Variants in RBMS3 observed in about 807,000 individuals in gnomAD.
RBMS3 encodes RNA binding motif single stranded interacting protein 3, also known as RNA-binding motif, single-stranded-interacting protein 3.
A neutral mutation model predicts 66.8 loss-of-function variants in RBMS3; 27 were observed. The observed-to-expected ratio is 0.40, with a 90% CI of 0.30 to 0.56. The LOEUF (loss-of-function observed/expected upper bound fraction) is 0.56. Among genes scored for constraint, RBMS3 ranks in the 20% least tolerant of loss-of-function variants. The pLI is 0.40. For synonymous variants in RBMS3, 188 were observed against 183.0 expected, an observed-to-expected ratio of 1.03 and a Z score of -0.22; for missense variants, 513 against 549.5, an observed-to-expected ratio of 0.93 and a Z score of 0.66.
chr3:29,733,021 T>C (rs1475175828), intron 4 of RBMS3, among the ~76,000 whole-genome samples: 1 of 152,024 alleles, frequency 6.6e-6, no homozygotes, highest in Non-Finnish European at 1.5e-5. Flanking sequence ...ATCTACCTTA[T>C]GAGATAGATA....
intron 4 of RBMS3, among the ~76,000 whole-genome samples, chr3:29,709,150 A>G (rs1259462826): frequency 1.3e-5 from 2 of 152,182 alleles, no homozygotes; most frequent in South Asian, 2.1e-4. Context: ...TCTCCTTAAT[A>G]CACATGACTC....
intron 1 of RBMS3, among the ~76,000 whole-genome samples, chr3:29,380,241 C>T (rs1383101985): frequency 6.6e-6 from 1 of 150,956 alleles, no homozygotes; most frequent in Non-Finnish European, 1.5e-5. Context: ...CACACACGTA[C>T]ATCTATAATA....
At chr3:29,550,565 T>TAA (rs1400449208) in intron 3 of RBMS3, among the ~76,000 whole-genome samples, 1 of 152,126 alleles carries the variant, frequency 6.6e-6, no homozygotes, top group Non-Finnish European at 1.5e-5. Flanking sequence ...TAATGTAACA[T>TAA]AAGACTATTA....
chr3:29,639,589 T>TAGAG (rs1216382179), intron 4 of RBMS3, among the ~76,000 whole-genome samples: 3 of 113,824 alleles, frequency 2.6e-5, no homozygotes, highest in African/African-American at 7.3e-5. Flanking sequence ...AGATAGAAGA[T>TAGAG]AGACAGAGAG....
chr3:29,298,691 C>T (rs1459419033), intron 1 of RBMS3, among the ~76,000 whole-genome samples: 3 of 151,774 alleles, frequency 2.0e-5, no homozygotes, highest in East Asian at 1.9e-4. Flanking sequence ...TACCTTCTCC[C>T]ACCCTTTTAT....
chr3:29,406,625 A>G (rs9841846), intron 1 of RBMS3, among the ~76,000 whole-genome samples: 56 of 152,224 alleles, frequency 3.7e-4, no homozygotes, highest in African/African-American at 1.3e-3. Flanking sequence ...TAGCACACAT[A>G]TCATGAGCCA....
At chr3:29,756,044 G>C (rs2055398159) in intron 5 of RBMS3, among the ~76,000 whole-genome samples, 1 of 152,168 alleles carries the variant, frequency 6.6e-6, no homozygotes, top group Admixed American at 6.5e-5. Context: ...AATTGATACA[G>C]CTTGGTAGGA....
intron 3 of RBMS3, among the ~76,000 whole-genome samples, chr3:29,548,401 G>A (rs2046050764): frequency 2.6e-5 from 4 of 151,808 alleles, no homozygotes; most frequent in Admixed American, 2.6e-4. Context: ...TTGTACTCTA[G>A]CCTGGGTGAC....
At chr3:29,997,106 A>T (rs1699297788) in intron 14 of RBMS3, among the ~76,000 whole-genome samples, 1 of 151,708 alleles carries the variant, frequency 6.6e-6, no homozygotes, top group Admixed American at 6.6e-5. Context: ...ATCCCACAGA[A>T]ATACAAACTA....
intron 4 of RBMS3, among the ~76,000 whole-genome samples, chr3:29,668,722 C>G (rs2050868991): frequency 1.3e-5 from 2 of 152,194 alleles, no homozygotes; most frequent in African/African-American, 4.8e-5. Context: ...TTTAAAAAAT[C>G]AGTTGGACTT....
chr3:29,580,649 T>C (rs1351885778), intron 3 of RBMS3, among the ~76,000 whole-genome samples: 3 of 150,490 alleles, frequency 2.0e-5, no homozygotes, highest in African/African-American at 7.3e-5. Context: ...ACTATCTTCC[T>C]TGTATGTAGT....
Position 29,515,876 on chromosome 3 carries a change from T to C in RBMS3, c.307+27377T>C, listed in dbSNP as rs544509687. On this transcript the variant is annotated intron_variant, in intron 3 of 14. Coordinates refer to ENST00000383767, the MANE Select transcript of RBMS3 (RefSeq NM_001003793.3). ...TGTGCTTTTATAATTGGCCCCAAAC[T>C]GTAACATGGTCGTGGGTTCTTAATA... Among the ~76,000 whole-genome samples the C allele has an allele frequency of 7.2e-5, 11 of 152,352 alleles. 1 individual carries two copies. In the South Asian group the frequency reaches 2.3e-3, roughly 32 times the overall value.
chr3:29,298,029 T>G (rs926082203), intron 1 of RBMS3, among the ~76,000 whole-genome samples: 1 of 151,904 alleles, frequency 6.6e-6, no homozygotes, highest in Non-Finnish European at 1.5e-5. Flanking sequence ...TTGCTAAACT[T>G]TAATTTTACC....
intron 6 of RBMS3, among the ~76,000 whole-genome samples, chr3:29,842,172 T>C (rs1031081642): frequency 6.6e-6 from 1 of 152,164 alleles, no homozygotes; most frequent in Non-Finnish European, 1.5e-5. Flanking sequence ...TATTTTGAAG[T>C]TGCTGTTTTC....
At chr3:29,394,244 C>T (rs775696030) in intron 1 of RBMS3, among the ~76,000 whole-genome samples, 4 of 152,174 alleles carry the variant, frequency 2.6e-5, no homozygotes, top group Non-Finnish European at 4.4e-5. Flanking sequence ...TTCTCCTATT[C>T]GCTTTCTGCA....
rs563519795 is a variant in RBMS3, at chr3:29,764,298, A to G, written c.637+1309A>G. Among the ~76,000 whole-genome samples the G allele has an allele frequency of 2.9e-4, 44 of 152,090 alleles. No individual in the cohort carries two copies. In the South Asian group the frequency reaches 5.2e-3, roughly 18 times the overall value. ...TGGGAACTGACTGCATTATGATCCA[A>G]TTGGAGACATATGGTGTTGTTAAGA... On this transcript the variant is annotated intron_variant, in intron 6 of 14. Coordinates refer to ENST00000383767, the MANE Select transcript of RBMS3 (RefSeq NM_001003793.3).
chr3:29,855,780 T>C (rs1323572317), intron 6 of RBMS3, among the ~76,000 whole-genome samples: 3 of 152,212 alleles, frequency 2.0e-5, no homozygotes, highest in Non-Finnish European at 1.5e-5. Flanking sequence ...TGTGGAGCCA[T>C]AGGACAGTTG....
chr3:29,731,758 C>A (rs137962754), intron 4 of RBMS3, among the ~76,000 whole-genome samples: 18 of 152,142 alleles, frequency 1.2e-4, no homozygotes, highest in Non-Finnish European at 2.1e-4. Context: ...AAAACTAACA[C>A]ATTGTATTAG....
chr3:29,993,671 T>C (rs1699028445), intron 14 of RBMS3, among the ~76,000 whole-genome samples: 2 of 152,180 alleles, frequency 1.3e-5, no homozygotes, highest in Admixed American at 6.5e-5. Context: ...AGCTAGGACA[T>C]TGGTCTTTTC....
Sources: allele counts gnomAD v4.1 joint callset (sites outside exome capture counted in the v4.1 genomes callset), GRCh38; gene constraint gnomAD v4.1.1; transcripts MANE v1.5; gene names NCBI Gene and HGNC (gene_info 2026-07-23, HGNC 2026-07-21).